AUTS2: variants seen among roughly 807,000 people sequenced by gnomAD.
The protein encoded by AUTS2 is activator of transcription and developmental regulator AUTS2.
In AUTS2, 17 loss-of-function variants were observed where a neutral mutation model predicts 112.4. That is an observed-to-expected ratio of 0.15 (90% CI 0.10 to 0.23). The LOEUF (loss-of-function observed/expected upper bound fraction) is 0.23, where lower values mean the gene tolerates loss of function less well. Ranked by LOEUF, AUTS2 falls within the 10% of genes least tolerant of loss-of-function variation. The pLI is 1.00. For missense variants in AUTS2, 1,510 were observed against 1,701.6 expected (o/e 0.89, Z 1.98); for synonymous variants, 751 against 702.7 (o/e 1.07, Z -1.09).
chr7:70,314,641 G>A (rs897902857), intron 4 of AUTS2, among the ~76,000 whole-genome samples: 15 of 151,874 alleles, frequency 9.9e-5, no homozygotes, highest in Admixed American at 3.3e-4. Context: ...CCAGACTTTC[G>A]TATCACACTT....
chr7:70,578,892 T>A (rs968806502), intron 5 of AUTS2, among the ~76,000 whole-genome samples: 43 of 151,636 alleles, frequency 2.8e-4, no homozygotes, highest in East Asian at 7.7e-4. Context: ...TTATCTTTTC[T>A]TTTCTTCTTT....
chr7:69,840,668 T>C (rs1791936794), intron 1 of AUTS2, among the ~76,000 whole-genome samples: 1 of 152,060 alleles, frequency 6.6e-6, no homozygotes, highest in South Asian at 2.1e-4. Flanking sequence ...TGATGAGAGA[T>C]GGGGTGGGAG....
intron 1 of AUTS2, among the ~76,000 whole-genome samples, chr7:69,858,034 T>C (rs1484284979): frequency 6.6e-6 from 1 of 152,136 alleles, no homozygotes; most frequent in African/African-American, 2.4e-5. Flanking sequence ...GTTAGGGGCA[T>C]GGAGTCTGAT....
At chr7:69,783,531 T>C (rs952202005) in intron 1 of AUTS2, among the ~76,000 whole-genome samples, 3 of 152,006 alleles carry the variant, frequency 2.0e-5, no homozygotes, top group Non-Finnish European at 2.9e-5. Context: ...TTGAGTCTTT[T>C]CCAAGCAGAA....
At chr7:70,457,785 A>G (rs1461587009) in intron 5 of AUTS2, among the ~76,000 whole-genome samples, 1 of 152,170 alleles carries the variant, frequency 6.6e-6, no homozygotes. Context: ...GCTAAACTCA[A>G]ATTTTACTGA....
intron 5 of AUTS2, among the ~76,000 whole-genome samples, chr7:70,614,902 G>T (rs1804275767): frequency 6.6e-6 from 1 of 152,178 alleles, no homozygotes; most frequent in South Asian, 2.1e-4. Flanking sequence ...GGGCTAACCT[G>T]CACCAGCACC....
At chr7:69,732,385 G>C (rs1786835918) in intron 1 of AUTS2, among the ~76,000 whole-genome samples, 1 of 151,986 alleles carries the variant, frequency 6.6e-6, no homozygotes, top group African/African-American at 2.4e-5. Context: ...ATAAAATATG[G>C]ATTTGGGGGT....
At position 70,238,507 on chromosome 7, in the gene AUTS2, CTAACTT is replaced by C. The variant is rs1442892207; in HGVS notation, c.660+103940_660+103945del. On this transcript the variant is annotated intron_variant, in intron 4 of 18. Coordinates refer to ENST00000342771, the MANE Select transcript of AUTS2 (RefSeq NM_015570.4). ...TCTTTTAGCTTAGCAAGTCCTCTCT[CTAACTT>C]TAAGAGTTCTCTAGATCTCACCAGT... Among the ~76,000 whole-genome samples, 14 of 152,322 alleles carry C rather than the reference CTAACTT, an allele frequency of 9.2e-5. No homozygotes were observed. In the East Asian group the frequency reaches 2.3e-3, roughly 25 times the overall value.
chr7:70,159,043 T>C (rs1388471338), intron 4 of AUTS2, among the ~76,000 whole-genome samples: 7 of 152,220 alleles, frequency 4.6e-5, no homozygotes, highest in African/African-American at 1.7e-4. Context: ...CTGCTTTCTT[T>C]TGATTGCTTT....
chr7:70,676,114 G>A (rs556559966), intron 5 of AUTS2, among the ~76,000 whole-genome samples: 63 of 152,270 alleles, frequency 4.1e-4, no homozygotes, highest in African/African-American at 1.4e-3. Flanking sequence ...GGTATAAAAG[G>A]TTATTCCTCT....
intron 5 of AUTS2, among the ~76,000 whole-genome samples, chr7:70,663,205 G>C (rs1485332124): frequency 6.6e-6 from 1 of 152,236 alleles, no homozygotes; most frequent in African/African-American, 2.4e-5. Flanking sequence ...GACCAGCCTG[G>C]CCAACATGAT....
intron 1 of AUTS2, among the ~76,000 whole-genome samples, chr7:69,749,042 C>T (rs1014030992): frequency 9.9e-5 from 15 of 152,078 alleles, no homozygotes; most frequent in African/African-American, 2.4e-4. Flanking sequence ...GATATCTCTG[C>T]GCCCCAGCTT....
At chr7:70,752,171 A>G (rs1195974910) in intron 6 of AUTS2, among the ~76,000 whole-genome samples, 2 of 152,004 alleles carry the variant, frequency 1.3e-5, no homozygotes, top group Non-Finnish European at 2.9e-5. Flanking sequence ...GGTAGCAGGA[A>G]GGCTGCACTG....
At chr7:70,184,054 C>T (rs987542432) in intron 4 of AUTS2, among the ~76,000 whole-genome samples, 29 of 152,050 alleles carry the variant, frequency 1.9e-4, no homozygotes, top group African/African-American at 6.3e-4. Context: ...TTAGGTAAGT[C>T]GGATTTTCTT....
chr7:70,167,919 G>A (rs755611456), intron 4 of AUTS2, among the ~76,000 whole-genome samples: 4 of 152,244 alleles, frequency 2.6e-5, no homozygotes, highest in African/African-American at 7.2e-5. Flanking sequence ...CTGCACATGT[G>A]TATATAATTG....
chr7:69,767,672 G>T (rs1396586855), intron 1 of AUTS2, among the ~76,000 whole-genome samples: 3 of 152,222 alleles, frequency 2.0e-5, no homozygotes, highest in Non-Finnish European at 4.4e-5. Context: ...ATGTGCAGTG[G>T]CTTGCTCCAT....
chr7:69,723,700 T>G (rs1799083247), intron 1 of AUTS2, among the ~76,000 whole-genome samples: 1 of 152,216 alleles, frequency 6.6e-6, no homozygotes, highest in Admixed American at 6.5e-5. Flanking sequence ...GGTCAACTTT[T>G]CTGCCTGCTA....
intron 5 of AUTS2, among the ~76,000 whole-genome samples, chr7:70,488,307 C>A (rs533932789): frequency 1.8e-4 from 28 of 152,282 alleles, no homozygotes; most frequent in African/African-American, 6.3e-4. Flanking sequence ...TGGCTCCCAG[C>A]ATTTCATCTG....
intron 6 of AUTS2, among the ~76,000 whole-genome samples, chr7:70,760,854 C>T (rs531558501): frequency 6.6e-6 from 1 of 152,362 alleles, no homozygotes; most frequent in East Asian, 1.9e-4. Flanking sequence ...AGTTACTTTT[C>T]ATCAGCGCTT....
Sources: gnomAD v4.1 joint callset for allele counts (sites outside exome capture counted in the v4.1 genomes callset) on GRCh38, gnomAD v4.1.1 for gene constraint, MANE v1.5 for transcripts, NCBI Gene and HGNC (gene_info 2026-07-23, HGNC 2026-07-21) for gene names.